The following FAF1 variants were observed in gnomAD, a reference collection of about 807,000 sequenced individuals.
FAF1 encodes the protein Fas associated factor 1.
A neutral mutation model predicts 92.5 loss-of-function variants in FAF1; 25 were observed. The ratio of observed to expected loss-of-function variants is 0.27; its 90% CI spans 0.20 to 0.38. The LOEUF (loss-of-function observed/expected upper bound fraction) is 0.38, where lower values mean the gene tolerates loss of function less well. FAF1 is among the 10% of genes least tolerant of loss of function. The pLI, the probability that FAF1 is intolerant of heterozygous loss-of-function variation, is 1.00. For synonymous variants in FAF1, 234 were observed against 273.2 expected (o/e 0.86, Z 1.42); for missense variants, 636 against 793.3 (o/e 0.80, Z 2.38).
intron 2 of FAF1, among the ~76,000 whole-genome samples, chr1:50,836,839 CATT>C (rs1644209633): frequency 6.6e-6 from 1 of 151,596 alleles, no homozygotes; most frequent in Non-Finnish European, 1.5e-5. Flanking sequence ...ACCACAATAT[CATT>C]ATCAAAGTCA....
intron 4 of FAF1, among the ~76,000 whole-genome samples, chr1:50,776,921 T>C (rs570121697): frequency 5.3e-5 from 8 of 152,120 alleles, no homozygotes; most frequent in Non-Finnish European, 1.0e-4. Flanking sequence ...TAAATAACAT[T>C]ACTTTTAAAA....
chr1:50,862,824 G>C (rs1425164433), intron 1 of FAF1, among the ~76,000 whole-genome samples: 1 of 151,842 alleles, frequency 6.6e-6, no homozygotes, highest in East Asian at 1.9e-4. Flanking sequence ...AAAGGGACTA[G>C]TACAACAGGA....
At chr1:50,449,130 G>T (rs1401270157) in intron 18 of FAF1, among the ~76,000 whole-genome samples, 1 of 151,986 alleles carries the variant, frequency 6.6e-6, no homozygotes, top group African/African-American at 2.4e-5. Context: ...ACTAAACTTC[G>T]TTCTGAAGAA....
chr1:50,943,518 T>C (rs1232914383), intron 1 of FAF1, among the ~76,000 whole-genome samples: 1 of 152,212 alleles, frequency 6.6e-6, no homozygotes, highest in Non-Finnish European at 1.5e-5. Flanking sequence ...GTCAGTGAAT[T>C]GAGGCAGACC....
At chr1:50,618,176 T>C (rs1189109479) in intron 8 of FAF1, among the ~76,000 whole-genome samples, 1 of 152,150 alleles carries the variant, frequency 6.6e-6, no homozygotes, top group African/African-American at 2.4e-5. Context: ...TTTGGTTCTT[T>C]TCTTCTGCTA....
chr1:50,535,461 A>G lies in FAF1; in HGVS notation c.1406-4T>C. ...AACTCATCTACTGTTGTGTTCCCTA[A>G]AAACATATAGAGATTGCCAAACTTT... On this transcript the variant is annotated splice_region_variant and splice_polypyrimidine_tract_variant and intron_variant, in intron 14 of 18. Transcript: ENST00000396153. The G allele has an allele frequency of 6.3e-7, 1 of 1,586,686 alleles. No homozygotes were observed. The highest frequency in any genetic ancestry group is 1.1e-5 in the South Asian group (1 of 89,024).
intron 4 of FAF1, among the ~76,000 whole-genome samples, chr1:50,763,824 T>C (rs1463695611): frequency 1.3e-5 from 2 of 152,238 alleles, no homozygotes; most frequent in Admixed American, 6.5e-5. Flanking sequence ...TAAAATTTCA[T>C]TGAAGTGGTT....
At chr1:50,921,527 C>T (rs1217983805) in intron 1 of FAF1, among the ~76,000 whole-genome samples, 1 of 152,058 alleles carries the variant, frequency 6.6e-6, no homozygotes, top group African/African-American at 2.4e-5. Context: ...TTTGTGAAGT[C>T]AACAAGCGCA....
intron 1 of FAF1, among the ~76,000 whole-genome samples, chr1:50,922,818 C>CAAAAAAAAAAAAAAAAAAAAA (rs754253837): frequency 1.8e-5 from 1 of 56,892 alleles, no homozygotes; most frequent in Non-Finnish European, 3.7e-5. Context: ...GAATCCACCA[C>CAAAAAAAAAAAAAAAAAAAAA]AAAAAAAAAA....
intron 4 of FAF1, among the ~76,000 whole-genome samples, chr1:50,772,091 T>C (rs1290455554): frequency 6.6e-6 from 1 of 152,182 alleles, no homozygotes; most frequent in African/African-American, 2.4e-5. Context: ...GTTGCTCAAC[T>C]GCAAGAAACA....
Position 50,596,155 on chromosome 1 carries a change from G to T in FAF1, c.806C>A (p.Ser269Tyr). The T allele has an allele frequency of 6.2e-7, 1 of 1,614,002 alleles. No homozygotes were observed. The highest frequency in any genetic ancestry group is 2.2e-5 in the East Asian group (1 of 44,874). Residue 269 changes from serine (S) to tyrosine (Y), a missense_variant, in exon 9 of 19, where the codon TCT becomes TAT. This residue lies in a region of FAF1 where 317 missense variants were observed against 342.4 expected (regional missense o/e 0.93). Transcript: ENST00000396153. ...PCHRLTVGRR[S>Y]SPAQTREQSE... ...CTGTTCCCGGGTCTGTGCAGGTGAA[G>T]ATCTTCTTCCCACTGTAAGTCGATG...
chr1:50,890,925 A>G (rs1342846097), intron 1 of FAF1, among the ~76,000 whole-genome samples: 1 of 152,178 alleles, frequency 6.6e-6, no homozygotes, highest in African/African-American at 2.4e-5. Context: ...AGATTGGGGA[A>G]GTTCTCCTGG....
At chr1:50,519,157 C>T (rs967922435) in intron 15 of FAF1, among the ~76,000 whole-genome samples, 2 of 151,936 alleles carry the variant, frequency 1.3e-5, no homozygotes, top group Admixed American at 1.3e-4. Context: ...TGGTGAAACC[C>T]TGTCTCTACT....
chr1:50,835,062 C>T (rs1644188218), intron 2 of FAF1, among the ~76,000 whole-genome samples: 1 of 152,098 alleles, frequency 6.6e-6, no homozygotes, highest in Non-Finnish European at 1.5e-5. Context: ...TTCCATTTTT[C>T]AGTGTGGCTG....
intron 1 of FAF1, among the ~76,000 whole-genome samples, chr1:50,919,977 T>C (rs1644950249): frequency 6.6e-6 from 1 of 152,098 alleles, no homozygotes; most frequent in Non-Finnish European, 1.5e-5. Flanking sequence ...ATTCCTTCCC[T>C]GAGTGGTCTG....
rs147056179 is a variant in FAF1 at position 50,887,334 on chromosome 1, C to T, written c.46-29337G>A. On this transcript the variant is annotated intron_variant, in intron 1 of 18. Transcript: ENST00000396153. ...TCTCCCATTCGGTAGGTTGCCTGTT[C>T]ACTCTGATGGTAGTTTCTTTTGCTG... Among the ~76,000 whole-genome samples, 864 of 152,276 alleles carry T rather than the reference C, an allele frequency of 5.7e-3. 6 individuals carry two copies. Among genetic ancestry groups the T allele is most frequent in the African/African-American group, 0.02 (829 of 41,540 alleles).
At chr1:50,646,011 T>A (rs2124262225) in intron 8 of FAF1, among the ~76,000 whole-genome samples, 1 of 152,282 alleles carries the variant, frequency 6.6e-6, no homozygotes, top group East Asian at 1.9e-4. Flanking sequence ...CTGCAACCAT[T>A]TTTGTCCCTA....
rs777503413 is a variant in FAF1 at position 50,857,965 on chromosome 1, A to G, written c.78T>C (p.Ala26=). The change falls in exon 2 of 19, where the codon GCT becomes GCC. Residue 26 remains alanine (A), a synonymous_variant. Coordinates refer to ENST00000396153, the MANE Select transcript of FAF1 (RefSeq NM_007051.3). ...AATTATTTTGTTCAAGCAATGTAAT[A>G]GCTTCGTCAATGTTTTCAATGCCAG... ...ACTGIENIDE[A]ITLLEQNNWD... is the part of the protein sequence containing the mutation. The G allele has an allele frequency of 8.1e-6, 13 of 1,603,274 alleles. No homozygotes were observed. Among genetic ancestry groups the G allele is most frequent in the Non-Finnish European group, 1.1e-5 (13 of 1,174,522 alleles).
chr1:50,896,769 C>T (rs12076849), intron 1 of FAF1, among the ~76,000 whole-genome samples: 18,003 of 151,994 alleles, frequency 0.12, 1,313 homozygotes, highest in African/African-American at 0.21. Flanking sequence ...AAATGGTGAC[C>T]GTCAGACAAT....
Sources: gnomAD v4.1 joint callset for allele counts (sites outside exome capture counted in the v4.1 genomes callset) on GRCh38, gnomAD v4.1.1 for gene constraint, gnomAD v4.1.1 regional missense constraint, MANE v1.5 for transcripts, NCBI Gene and HGNC (gene_info 2026-07-23, HGNC 2026-07-21) for gene names.